PPIG: variants seen among roughly 807,000 people sequenced by gnomAD.
PPIG encodes peptidylprolyl isomerase G.
PPIG carries 26 observed loss-of-function variants against 87.9 expected under a neutral mutation model. The observed-to-expected ratio is 0.30, with a 90% CI of 0.22 to 0.41. The LOEUF (loss-of-function observed/expected upper bound fraction) is 0.41, where lower values mean the gene tolerates loss of function less well. Among genes scored for constraint, PPIG ranks in the 10% least tolerant of loss-of-function variants. The probability of loss-of-function intolerance (pLI) is 1.00; values close to 1 mark genes in which losing one functional copy is unlikely to be tolerated. For synonymous variants in PPIG, 308 were observed against 276.5 expected (o/e 1.11, Z -1.13); for missense variants, 722 against 879.4 (o/e 0.82, Z 2.26).
At chr2:169,635,160 A>G (rs1686148896) in intron 12 of PPIG, among the ~76,000 whole-genome samples, 1 of 152,180 alleles carries the variant, frequency 6.6e-6, no homozygotes, top group African/African-American at 2.4e-5. Flanking sequence ...TCACTGTCTG[A>G]TCTTTTTTTT....
intron 1 of PPIG, among the ~76,000 whole-genome samples, chr2:169,598,702 CTTTGTACTTTCTACAGGTA>C (rs2105480312): frequency 6.6e-6 from 1 of 151,604 alleles, no homozygotes; most frequent in East Asian, 1.9e-4. Flanking sequence ...TTTCTAATAG[CTTTGTACTTTCTACAGGTA>C]TACAGTGGTA....
chr2:169,629,943 T>G (rs925096517), intron 9 of PPIG, among the ~76,000 whole-genome samples: 5 of 152,108 alleles, frequency 3.3e-5, no homozygotes, highest in Non-Finnish European at 5.9e-5. Flanking sequence ...TATATCTCAA[T>G]TTATTGTAGT....
At chr2:169,628,930 C>A (rs12995019) in intron 9 of PPIG, among the ~76,000 whole-genome samples, 32,852 of 128,524 alleles carry the variant, frequency 0.26, 4,333 homozygotes, top group African/African-American at 0.29. Context: ...CAGAGCAAGA[C>A]CCTGTCTCCA....
chr2:169,617,710 G>A (rs931006481), intron 9 of PPIG, among the ~76,000 whole-genome samples: 1 of 152,100 alleles, frequency 6.6e-6, no homozygotes, highest in Non-Finnish European at 1.5e-5. Flanking sequence ...TTTTGTATCC[G>A]GAGACTTTGC....
intron 9 of PPIG, among the ~76,000 whole-genome samples, chr2:169,621,884 G>A (rs1454239125): frequency 1.3e-5 from 2 of 151,076 alleles, no homozygotes; most frequent in Non-Finnish European, 2.9e-5. Context: ...TTGAGCCCAG[G>A]AGTTTCAGAC....
Position 169,604,247 on chromosome 2 carries a change from G to A in PPIG, c.122G>A (p.Arg41His). 1 of 1,605,488 alleles carries A rather than the reference G, an allele frequency of 6.2e-7. No homozygotes were observed. Among genetic ancestry groups the A allele is most frequent in the South Asian group, 1.1e-5 (1 of 90,872 alleles). The change falls in exon 4 of 14, where the codon CGT (arginine) becomes CAT (histidine). Residue 41 changes from arginine to histidine, a missense_variant. Transcript: ENST00000260970. ...DVCPKTCENFRCLCTGEKGTG... is the reference protein window; with the variant it reads ...DVCPKTCENFHCLCTGEKGTG... Reference sequence around the variant, plus strand: ...TGCCCCAAAACATGCGAGAACTTTCGTTGTCTTTGTACAGGTTTGTTCACA... The same window carrying A: ...TGCCCCAAAACATGCGAGAACTTTCATTGTCTTTGTACAGGTTTGTTCACA...
chr2:169,620,431 T>C (rs1348356147), intron 9 of PPIG, among the ~76,000 whole-genome samples: 1 of 152,160 alleles, frequency 6.6e-6, no homozygotes, highest in East Asian at 1.9e-4. Context: ...AGTTAACTTT[T>C]TCTGATTATT....
rs192214844 is a variant in PPIG at position 169,630,746 on chromosome 2, G to A, written c.548-28G>A. On this transcript the variant is annotated intron_variant, in intron 9 of 13. Transcript: ENST00000260970. ...CCACAAAGTTTGTCTAAAAATTGTTGATCAAAACCTTTTTGTTTTTATTAA... is the reference window on the plus strand; with the variant it reads ...CCACAAAGTTTGTCTAAAAATTGTTAATCAAAACCTTTTTGTTTTTATTAA... 65 of 1,558,460 alleles carry A rather than the reference G, an allele frequency of 4.2e-5. No individual in the cohort carries two copies. The East Asian group carries it at 1.2e-3, about 30-fold the overall frequency.
At chr2:169,632,664 A>G (rs1402042504) in intron 11 of PPIG, among the ~76,000 whole-genome samples, 1 of 151,992 alleles carries the variant, frequency 6.6e-6, no homozygotes, top group African/African-American at 2.4e-5. Context: ...TGGCATAAGT[A>G]AACCTGGGAG....
chr2:169,628,939 CAAAAAAAAAAAAAAA>C lies in PPIG; in HGVS notation c.548-1820_548-1806del, dbSNP rs71006010. Among the ~76,000 whole-genome samples, 13 of 92,346 alleles carry C rather than the reference CAAAAAAAAAAAAAAA, an allele frequency of 1.4e-4. 1 individual carries two copies. The highest frequency in any genetic ancestry group is 9.4e-4 in the Admixed American group (7 of 7,466). 60.6% of individuals were successfully genotyped at this position (92,346 alleles called of 152,430 possible). ...GGGCAACAGAGCAAGACCCTGTCTC[CAAAAAAAAAAAAAAA>C]AAAAAAAAAAAAAAGGCAAGGATAA... On this transcript the variant is annotated intron_variant, in intron 9 of 13. Transcript: ENST00000260970.
At chr2:169,597,790 C>T (rs980598280) in intron 1 of PPIG, among the ~76,000 whole-genome samples, 5 of 151,924 alleles carry the variant, frequency 3.3e-5, no homozygotes, top group African/African-American at 4.8e-5. Flanking sequence ...TGAGCCACCA[C>T]GCCCAGCTCT....
intron 9 of PPIG, among the ~76,000 whole-genome samples, chr2:169,616,726 C>G (rs1685617978): frequency 6.6e-6 from 1 of 151,978 alleles, no homozygotes; most frequent in African/African-American, 2.4e-5. Flanking sequence ...TGTTTAAGTT[C>G]TTTATAGATT....
chr2:169,584,815 T>C (rs1233259533), intron 1 of PPIG: 1 of 295,972 alleles, frequency 3.4e-6, no homozygotes, highest in Non-Finnish European at 6.5e-6. Context: ...AGCTGTAACA[T>C]GGCGGCAGCG....
chr2:169,595,966 G>A (rs767417042), intron 1 of PPIG, among the ~76,000 whole-genome samples: 7 of 151,680 alleles, frequency 4.6e-5, no homozygotes, highest in Non-Finnish European at 7.4e-5. Context: ...CACTACGCCC[G>A]GCTAATTTTG....
intron 1 of PPIG, among the ~76,000 whole-genome samples, chr2:169,596,324 G>C (rs1457841961): frequency 2.8e-5 from 4 of 144,284 alleles, no homozygotes; most frequent in African/African-American, 1.0e-4. Flanking sequence ...AGGCTGGTCT[G>C]GAACTCCTGA....
Position 169,636,455 on chromosome 2 carries a change from T to C in PPIG, c.1197T>C (p.Val399=). ...NEIKENQRSP[V]RVKERKITDH... is the part of the protein sequence containing the mutation. ...TAAAAGAAAATCAGAGAAGTCCAGT[T>C]AGAGTAAAAGAGAGAAAAATAACAG... The change falls in exon 14 of 14, where the codon GTT becomes GTC. Residue 399 remains valine (V), a synonymous_variant. Transcript: ENST00000260970. 1 of 1,560,668 alleles carries C rather than the reference T, an allele frequency of 6.4e-7. No homozygotes were observed.
chr2:169,615,138 T>A (rs1211999069), intron 9 of PPIG, among the ~76,000 whole-genome samples: 1 of 152,072 alleles, frequency 6.6e-6, no homozygotes, highest in Non-Finnish European at 1.5e-5. Flanking sequence ...AACCTCCGTC[T>A]CCCGGGTTGA....
chr2:169,623,957 G>A (rs1685818979), intron 9 of PPIG, among the ~76,000 whole-genome samples: 1 of 152,088 alleles, frequency 6.6e-6, no homozygotes, highest in Admixed American at 6.6e-5. Flanking sequence ...AAAATATTCT[G>A]GAGTTATTTC....
chr2:169,590,279 C>G (rs969350639), intron 1 of PPIG, among the ~76,000 whole-genome samples: 18 of 152,124 alleles, frequency 1.2e-4, no homozygotes, highest in Admixed American at 1.2e-3. Context: ...GTTGAAGATA[C>G]AAAGGTTTCG....
Sources: allele counts gnomAD v4.1 joint callset (sites outside exome capture counted in the v4.1 genomes callset), GRCh38; gene constraint gnomAD v4.1.1; transcripts MANE v1.5; gene names NCBI Gene and HGNC (gene_info 2026-07-23, HGNC 2026-07-21).